The following NDC1 variants were observed in gnomAD, a reference collection of about 807,000 sequenced individuals.
NDC1 encodes nucleoporin NDC1.
NDC1 carries 24 observed loss-of-function variants against 89.8 expected under a neutral mutation model. The observed-to-expected ratio is 0.27, with a 90% CI of 0.19 to 0.38. The LOEUF is 0.38. Among genes scored for constraint, NDC1 ranks in the 10% least tolerant of loss-of-function variants. The probability of loss-of-function intolerance (pLI) is 1.00; values close to 1 mark genes in which losing one functional copy is unlikely to be tolerated. For missense variants in NDC1, 728 were observed against 797.6 expected (o/e 0.91, Z 1.05); for synonymous variants, 296 against 284.8 (o/e 1.04, Z -0.39).
Position 53,800,482 on chromosome 1 carries a change from A to T in NDC1, c.1222+211T>A, listed in dbSNP as rs539868987. On this transcript the variant is annotated intron_variant, in intron 11 of 17. Coordinates refer to ENST00000371429, the MANE Select transcript of NDC1 (RefSeq NM_018087.5). Reference sequence around the variant, plus strand: ...GCTGGGACTACAGGTGCACGCCACCACGCCCAGCTAATTTTTGTATTTTTA... The same window carrying T: ...GCTGGGACTACAGGTGCACGCCACCTCGCCCAGCTAATTTTTGTATTTTTA... 1.5e-3 allele frequency among the ~76,000 whole-genome samples: 235 copies of T among 151,940 alleles called. 1 individual carries two copies. The highest frequency in any genetic ancestry group is 5.4e-3 in the African/African-American group (225 of 41,460).
chr1:53,822,266 G>A (rs534073913), intron 5 of NDC1, among the ~76,000 whole-genome samples: 54 of 152,218 alleles, frequency 3.5e-4, no homozygotes, highest in Middle Eastern at 3.4e-3. Flanking sequence ...CCTGGGAGGC[G>A]GAGGTTGCAG....
At chr1:53,795,043 C>T (rs191659263) in intron 13 of NDC1, among the ~76,000 whole-genome samples, 47 of 152,270 alleles carry the variant, frequency 3.1e-4, no homozygotes, top group Admixed American at 2.2e-3. Flanking sequence ...CCCCACTACT[C>T]CAGCCAACAG....
Position 53,777,472 on chromosome 1 carries a change from T to C in NDC1, c.1801-4983A>G, listed in dbSNP as rs557041316. ...AAAAATTAGGTCCAACACACCCTAA[T>C]GGTATAAGCGTTAAATTAAGAAGGA... is the stretch of plus-strand genomic sequence containing the variant. On this transcript the variant is annotated intron_variant, in intron 16 of 17. Coordinates refer to ENST00000371429, the MANE Select transcript of NDC1 (RefSeq NM_018087.5). Among the ~76,000 whole-genome samples, 6 of 152,306 alleles carry C rather than the reference T, an allele frequency of 3.9e-5. No homozygotes were observed. The South Asian group carries it at 1.2e-3, about 32-fold the overall frequency.
intron 15 of NDC1, among the ~76,000 whole-genome samples, chr1:53,787,787 C>T (rs1017153329): frequency 2.7e-5 from 4 of 149,388 alleles, no homozygotes; most frequent in African/African-American, 9.8e-5. Flanking sequence ...AATAAAATAA[C>T]AGTCTCTGGC....
chr1:53,831,270 T>C (rs1649058168), intron 3 of NDC1, among the ~76,000 whole-genome samples: 1 of 152,060 alleles, frequency 6.6e-6, no homozygotes, highest in Non-Finnish European at 1.5e-5. Flanking sequence ...AGAATATTCA[T>C]ATAATCAATG....
rs546938593 is a variant in NDC1, at chr1:53,778,873, G to A, written c.1801-6384C>T. 2.8e-4 allele frequency among the ~76,000 whole-genome samples: 43 copies of A among 152,082 alleles called. 2 individuals are homozygous for A. The South Asian group carries it at 8.3e-3, about 29-fold the overall frequency. On this transcript the variant is annotated intron_variant, in intron 16 of 17. Coordinates refer to ENST00000371429, the MANE Select transcript of NDC1 (RefSeq NM_018087.5). The stretch of plus-strand genomic sequence containing the variant: ...GAATTATCATGTGGCTGGATGCAGT[G>A]GCTCACGCCTATAATCTCAACACTT...
intron 16 of NDC1, among the ~76,000 whole-genome samples, chr1:53,786,350 G>A (rs1423087443): frequency 1.3e-5 from 2 of 152,216 alleles, no homozygotes; most frequent in African/African-American, 4.8e-5. Flanking sequence ...GAAGCCTACT[G>A]CAAAGCAGAA....
rs374823420 is a variant in NDC1, at chr1:53,780,106, G to A, written c.1800+7052C>T. 3.2e-3 allele frequency among the ~76,000 whole-genome samples: 480 copies of A among 152,018 alleles called. 7 individuals are homozygous for A. Among genetic ancestry groups the A allele is most frequent in the African/African-American group, 0.011 (447 of 41,446 alleles). On this transcript the variant is annotated intron_variant, in intron 16 of 17. Coordinates refer to ENST00000371429, the MANE Select transcript of NDC1 (RefSeq NM_018087.5). ...GATGGAATTTTGCTGTTGTTGCCCA[G>A]GCTGAAGAGCAATGGCACAATCACG...
At position 53,796,680 on chromosome 1, in the gene NDC1, T is replaced by G. The variant is rs1230848668; in HGVS notation, c.1584+9A>C. 4 of 1,536,856 alleles carry G rather than the reference T, an allele frequency of 2.6e-6. No individual in the cohort carries two copies. In the African/African-American group the frequency reaches 5.5e-5, roughly 21 times the overall value. ...TGCAAATATAAATCCTATAACCATATCATCCTACCTGTTCACGTTTATTCT... is the reference window on the plus strand; with the variant it reads ...TGCAAATATAAATCCTATAACCATAGCATCCTACCTGTTCACGTTTATTCT... On this transcript the variant is annotated intron_variant, in intron 13 of 17. Transcript: ENST00000371429.
chr1:53,796,650 T>TA, intron 13 of NDC1, 39 bp downstream of exon 13: 1 of 1,360,448 alleles, frequency 7.4e-7, no homozygotes, highest in South Asian at 1.4e-5. Context: ...GTTCTCAATT[T>TA]TACATGCAAA....
intron 8 of NDC1, among the ~76,000 whole-genome samples, chr1:53,807,013 G>A (rs904419086): frequency 3.9e-5 from 6 of 151,936 alleles, no homozygotes; most frequent in South Asian, 2.1e-4. Flanking sequence ...TTAAGAGGTC[G>A]AGGACAGATC....
In NDC1 at chr1:53,832,747, T is replaced by C. The variant is rs553740216; in HGVS notation, c.179-156A>G. Among the ~76,000 whole-genome samples, 4 of 152,322 alleles carry C rather than the reference T, an allele frequency of 2.6e-5. No individual in the cohort carries two copies. In the East Asian group the frequency reaches 7.7e-4, roughly 29 times the overall value. On this transcript the variant is annotated intron_variant, in intron 2 of 17. Transcript: ENST00000371429. ...AATTGTACACCACTGACAGGTTCAATGAGATATCAACTCAAGAACTACAGT... is the reference window on the plus strand; with the variant it reads ...AATTGTACACCACTGACAGGTTCAACGAGATATCAACTCAAGAACTACAGT...
chr1:53,782,917 C>A (rs913965174), intron 16 of NDC1, among the ~76,000 whole-genome samples: 5 of 152,130 alleles, frequency 3.3e-5, no homozygotes, highest in African/African-American at 1.2e-4. Flanking sequence ...TAATTAAAAA[C>A]CACATATTAC....
At chr1:53,784,179 A>T (rs1287733755) in intron 16 of NDC1, among the ~76,000 whole-genome samples, 1 of 152,138 alleles carries the variant, frequency 6.6e-6, no homozygotes, top group Non-Finnish European at 1.5e-5. Context: ...CACTACACAT[A>T]GTAAAAGGTG....
intron 3 of NDC1, among the ~76,000 whole-genome samples, chr1:53,828,445 T>C (rs907264834): frequency 6.6e-6 from 1 of 151,966 alleles, no homozygotes. Context: ...AATTTCCTAA[T>C]AGTTCCAATA....
intron 8 of NDC1, 79 bp downstream of exon 8, chr1:53,807,577 G>T: frequency 8.0e-7 from 1 of 1,254,436 alleles, no homozygotes; most frequent in Non-Finnish European, 1.1e-6. Flanking sequence ...TGCGTGTGCT[G>T]ATCAGTGTGC....
At chr1:53,788,802 G>A (rs1452782855) in intron 15 of NDC1, among the ~76,000 whole-genome samples, 1 of 152,038 alleles carries the variant, frequency 6.6e-6, no homozygotes, top group Admixed American at 6.6e-5. Flanking sequence ...TCAGGAGGCT[G>A]AGGTGGATTG....
chr1:53,813,338 G>A (rs1387452845), intron 6 of NDC1, among the ~76,000 whole-genome samples: 1 of 152,110 alleles, frequency 6.6e-6, no homozygotes, highest in East Asian at 1.9e-4. Context: ...CAGAACCACA[G>A]AATGGATAAG....
chr1:53,838,247 C>A lies in NDC1; in HGVS notation c.15G>T (p.Val5=), dbSNP rs1489602918. 2 of 1,537,062 alleles carry A rather than the reference C, an allele frequency of 1.3e-6. No individual in the cohort carries two copies. The highest frequency in any genetic ancestry group is 1.7e-6 in the Non-Finnish European group (2 of 1,145,828). MATA[V]SRPCAGRSRD... ...GCGACCTGCCGGCGCAGGGCCGGCT[C>A]ACGGCCGTGGCCATGGAGATGGCGG... Residue 5 remains valine, a synonymous_variant, in exon 1 of 18, where the codon GTG becomes GTT. Coordinates refer to ENST00000371429, the MANE Select transcript of NDC1 (RefSeq NM_018087.5).
Sources: gnomAD v4.1 joint callset for allele counts (sites outside exome capture counted in the v4.1 genomes callset) on GRCh38, gnomAD v4.1.1 for gene constraint, MANE v1.5 for transcripts, NCBI Gene and HGNC (gene_info 2026-07-23, HGNC 2026-07-21) for gene names.